Variants in CYSTM1 observed in about 807,000 individuals in gnomAD.
CYSTM1 encodes the protein cysteine-rich transmembrane module-containing protein 1.
Under a neutral mutation model 13.1 loss-of-function variants are expected in CYSTM1, and 4 were observed. The ratio of observed to expected loss-of-function variants is 0.31; its 90% CI spans 0.15 to 0.70. The LOEUF (loss-of-function observed/expected upper bound fraction) is 0.70. CYSTM1 is among the 30% of genes least tolerant of loss of function. CYSTM1 has a pLI of 0.72. For missense variants in CYSTM1, 96 were observed against 121.6 expected (o/e 0.79, Z 0.99); for synonymous variants, 36 against 42.7 (o/e 0.84, Z 0.62).
intron 2 of CYSTM1, among the ~76,000 whole-genome samples, chr5:140,227,545 G>A (rs1490896552): frequency 6.6e-6 from 1 of 152,162 alleles, no homozygotes; most frequent in African/African-American, 2.4e-5. Flanking sequence ...TGGGTTAGGA[G>A]GTGCCAGGTC....
chr5:140,184,018 C>T (rs557303908), intron 1 of CYSTM1, among the ~76,000 whole-genome samples: 1 of 152,254 alleles, frequency 6.6e-6, no homozygotes, highest in African/African-American at 2.4e-5. Flanking sequence ...AGCCATGTGG[C>T]TACTTTACCT....
intron 2 of CYSTM1, among the ~76,000 whole-genome samples, chr5:140,204,730 T>C (rs1764276994): frequency 6.6e-6 from 1 of 152,186 alleles, no homozygotes; most frequent in Admixed American, 6.5e-5. Flanking sequence ...CGTTTTTTTC[T>C]TCTTTCACCT....
At position 140,175,622 on chromosome 5, in the gene CYSTM1, G is replaced by T. The variant is rs547055112; in HGVS notation, c.-21+337G>T. Among the ~76,000 whole-genome samples, 6 of 152,242 alleles carry T rather than the reference G, an allele frequency of 3.9e-5. No individual in the cohort carries two copies. The highest frequency in any genetic ancestry group is 3.3e-4 in the Admixed American group (5 of 15,292). ...CTCGGAGCGGGGCTCGCCACACCCC[G>T]TCCCGGGGGACGTCCGCGGGAGGCT... is the stretch of plus-strand genomic sequence containing the variant. On this transcript the variant is annotated intron_variant, in intron 1 of 2. Transcript: ENST00000261811. The surrounding 1 kb of genome is among the most constrained non-coding windows in gnomAD (Gnocchi z 4.9).
In CYSTM1 at chr5:140,221,297, G is replaced by A. The variant is rs116829938; in HGVS notation, c.188-22008G>A. ...AGTACATTCACATTGTTGTGAAACCGTCACCACCACTCATCTCCAAAACTC... is the reference window on the plus strand; with the variant it reads ...AGTACATTCACATTGTTGTGAAACCATCACCACCACTCATCTCCAAAACTC... On this transcript the variant is annotated intron_variant, in intron 2 of 2. Transcript: ENST00000261811. 2.9e-3 allele frequency among the ~76,000 whole-genome samples: 440 copies of A among 152,192 alleles called. 5 individuals are homozygous for A. Among genetic ancestry groups the A allele is most frequent in the African/African-American group, 9.8e-3 (408 of 41,528 alleles).
At chr5:140,180,859 G>A (rs1236109808) in intron 1 of CYSTM1, among the ~76,000 whole-genome samples, 1 of 152,106 alleles carries the variant, frequency 6.6e-6, no homozygotes, top group African/African-American at 2.4e-5. Context: ...GGTGGGAGGA[G>A]GGTTTGATCT....
chr5:140,224,250 C>A (rs996920800), intron 2 of CYSTM1, among the ~76,000 whole-genome samples: 1 of 152,198 alleles, frequency 6.6e-6, no homozygotes, highest in African/African-American at 2.4e-5. Flanking sequence ...AGCGATTCTC[C>A]TGCCTCAGCC....
intron 2 of CYSTM1, among the ~76,000 whole-genome samples, chr5:140,226,206 A>G (rs1028733192): frequency 6.6e-6 from 1 of 152,120 alleles, no homozygotes; most frequent in African/African-American, 2.4e-5. Flanking sequence ...GATGGGGTAT[A>G]GATTACTAAT....
intron 2 of CYSTM1, among the ~76,000 whole-genome samples, chr5:140,241,975 CGA>C (rs945336440): frequency 6.6e-6 from 1 of 152,226 alleles, no homozygotes; most frequent in African/African-American, 2.4e-5. Context: ...TGTGCTTGAA[CGA>C]GAGACTTGAG....
At chr5:140,193,260 T>A (rs1764113334) in intron 1 of CYSTM1, among the ~76,000 whole-genome samples, 1 of 140,956 alleles carries the variant, frequency 7.1e-6, no homozygotes, top group Non-Finnish European at 1.6e-5. Context: ...TACTTTGCAT[T>A]CCCCAGTAAT....
intron 2 of CYSTM1, among the ~76,000 whole-genome samples, chr5:140,240,379 C>T (rs143075962): frequency 4.0e-5 from 6 of 151,712 alleles, no homozygotes; most frequent in African/African-American, 1.5e-4. Flanking sequence ...CCAGGATGGC[C>T]CATCTCTGGT....
intron 2 of CYSTM1, among the ~76,000 whole-genome samples, chr5:140,198,475 C>T (rs1764181265): frequency 6.6e-6 from 1 of 152,210 alleles, no homozygotes; most frequent in Admixed American, 6.5e-5. Flanking sequence ...CCTCTCTCAG[C>T]ACATAGTCTG....
chr5:140,223,218 A>G (rs953152123), intron 2 of CYSTM1, among the ~76,000 whole-genome samples: 1 of 152,146 alleles, frequency 6.6e-6, no homozygotes, highest in African/African-American at 2.4e-5. Context: ...GAGATGTTGC[A>G]AAGGAGAAGG....
At chr5:140,180,918 T>C (rs938133099) in intron 1 of CYSTM1, among the ~76,000 whole-genome samples, 12 of 152,228 alleles carry the variant, frequency 7.9e-5, no homozygotes, top group African/African-American at 2.9e-4. Context: ...GAGGTTCCTA[T>C]CACTAGTTTC....
At chr5:140,226,489 A>T (rs1252195036) in intron 2 of CYSTM1, among the ~76,000 whole-genome samples, 1 of 111,854 alleles carries the variant, frequency 8.9e-6, no homozygotes, top group African/African-American at 3.4e-5. Flanking sequence ...ATATTTATAT[A>T]TATATAATAT....
chr5:140,235,107 C>T (rs1238825988), intron 2 of CYSTM1, among the ~76,000 whole-genome samples: 5 of 151,910 alleles, frequency 3.3e-5, no homozygotes, highest in African/African-American at 1.2e-4. Flanking sequence ...GCTGGGATTA[C>T]AGGCGCCCGC....
At chr5:140,226,497 TATATATAA>T (rs1764552668) in intron 2 of CYSTM1, among the ~76,000 whole-genome samples, 1 of 103,956 alleles carries the variant, frequency 9.6e-6, no homozygotes, top group East Asian at 2.3e-4. Flanking sequence ...ATATATATAA[TATATATAA>T]ATATATATTA....
intron 2 of CYSTM1, among the ~76,000 whole-genome samples, chr5:140,198,592 C>T (rs1195449664): frequency 6.6e-6 from 1 of 152,232 alleles, no homozygotes; most frequent in Non-Finnish European, 1.5e-5. Flanking sequence ...ACTGGCACAG[C>T]ATCACTTACC....
At chr5:140,228,321 C>T (rs1051352526) in intron 2 of CYSTM1, among the ~76,000 whole-genome samples, 4 of 152,170 alleles carry the variant, frequency 2.6e-5, no homozygotes, top group Admixed American at 6.5e-5. Context: ...GATAATAATA[C>T]AGAGCTGTTG....
At chr5:140,203,034 G>A (rs545773821) in intron 2 of CYSTM1, 1 of 152,216 alleles carries the variant, frequency 6.6e-6, no homozygotes, top group South Asian at 2.1e-4. Flanking sequence ...AACAGCGTAG[G>A]GTTGGTTGTC....
Sources: gnomAD v4.1 joint callset for allele counts (sites outside exome capture counted in the v4.1 genomes callset) on GRCh38, gnomAD v4.1.1 for gene constraint, Gnocchi (gnomAD v3.1) non-coding constraint, MANE v1.5 for transcripts, NCBI Gene and HGNC (gene_info 2026-07-23, HGNC 2026-07-21) for gene names.